Variants in AUH observed in about 807,000 individuals in gnomAD.
The protein encoded by AUH is methylglutaconyl-CoA hydratase, mitochondrial.
In AUH, 29 loss-of-function variants were observed where a neutral mutation model predicts 42.3. The ratio of observed to expected loss-of-function variants is 0.69; its 90% CI spans 0.51 to 0.93. The LOEUF (loss-of-function observed/expected upper bound fraction) is 0.93, where lower values mean the gene tolerates loss of function less well. Ranked by LOEUF, AUH falls within the 40% of genes least tolerant of loss-of-function variation. The probability of loss-of-function intolerance (pLI) is 0.00; values close to 1 mark genes in which losing one functional copy is unlikely to be tolerated. For missense variants in AUH, 452 were observed against 438.1 expected (o/e 1.03, Z -0.28); for synonymous variants, 174 against 166.4 (o/e 1.05, Z -0.35).
chr9:91,269,065 T>G (rs1381535659), intron 6 of AUH, among the ~76,000 whole-genome samples: 1 of 151,868 alleles, frequency 6.6e-6, no homozygotes, highest in African/African-American at 2.4e-5. Context: ...ACTGCAACCT[T>G]CACCTCCTGG....
intron 4 of AUH, among the ~76,000 whole-genome samples, chr9:91,321,873 C>A (rs151250405): frequency 6.7e-4 from 102 of 152,288 alleles, no homozygotes; most frequent in African/African-American, 2.4e-3. Context: ...TGCTTTCATA[C>A]TATAAAGTCA....
intron 7 of AUH, chr9:91,218,855 C>T (rs1360222087): frequency 1.0e-6 from 1 of 985,434 alleles, no homozygotes; most frequent in African/African-American, 1.7e-5. Flanking sequence ...GGTGATTCCA[C>T]TCAAACTTCA....
At chr9:91,218,996 G>A in intron 7 of AUH, 4 of 985,434 alleles carry the variant, frequency 4.1e-6, no homozygotes, top group African/African-American at 3.5e-5. Context: ...CATTCTGAAG[G>A]AGTGTCCTTC....
chr9:91,256,646 C>A (rs1039467793), intron 6 of AUH, among the ~76,000 whole-genome samples: 10 of 152,052 alleles, frequency 6.6e-5, no homozygotes, highest in African/African-American at 2.4e-4. Context: ...GAACAGGAGA[C>A]CAGCACTGCA....
intron 6 of AUH, among the ~76,000 whole-genome samples, chr9:91,265,547 A>G (rs1282916208): frequency 6.6e-6 from 1 of 151,770 alleles, no homozygotes; most frequent in Non-Finnish European, 1.5e-5. Flanking sequence ...GTTCTCCTCC[A>G]CTCGTGTCAG....
intron 6 of AUH, among the ~76,000 whole-genome samples, chr9:91,279,559 C>T (rs1346167631): frequency 1.3e-5 from 2 of 152,138 alleles, no homozygotes; most frequent in East Asian, 3.9e-4. Flanking sequence ...GGGGAGCAGA[C>T]ATCTCATATG....
chr9:91,217,190 A>G, intron 8 of AUH, 87 bp downstream of exon 8: 1 of 1,406,176 alleles, frequency 7.1e-7, no homozygotes, highest in Non-Finnish European at 9.9e-7. Flanking sequence ...AGAACTTTAA[A>G]AAAAATGTAG....
chr9:91,274,729 G>A (rs1825411929), intron 6 of AUH, among the ~76,000 whole-genome samples: 1 of 152,072 alleles, frequency 6.6e-6, no homozygotes, highest in Non-Finnish European at 1.5e-5. Context: ...TTCAGATAAG[G>A]AAGATAAACA....
At chr9:91,248,757 A>G (rs1469422619) in intron 6 of AUH, among the ~76,000 whole-genome samples, 2 of 152,200 alleles carry the variant, frequency 1.3e-5, no homozygotes, top group Admixed American at 1.3e-4. Flanking sequence ...CCCTCACAAC[A>G]ACATTATAAA....
rs535903499 is a variant in AUH at position 91,344,166 on chromosome 9, G to A, written c.418+11717C>T. On this transcript the variant is annotated intron_variant, in intron 3 of 9. Transcript: ENST00000375731. ...GAAACATTTACAATCTATTTTCTCT[G>A]AAGCTTCCCACCTGAAGGCTTCATT... Among the ~76,000 whole-genome samples, 15 of 152,276 alleles carry A rather than the reference G, an allele frequency of 9.9e-5. No individual in the cohort carries two copies. The South Asian group carries it at 2.9e-3, about 29-fold the overall frequency.
At chr9:91,360,775 G>A (rs1162193139) in intron 1 of AUH, among the ~76,000 whole-genome samples, 1 of 152,110 alleles carries the variant, frequency 6.6e-6, no homozygotes, top group African/African-American at 2.4e-5. Flanking sequence ...CGACTTACAC[G>A]CTTTTCACTT....
rs1829555635 is a variant in AUH at position 91,258,946 on chromosome 9, T to C, written c.655+37075A>G. On this transcript the variant is annotated intron_variant, in intron 6 of 9. Coordinates refer to ENST00000375731, the MANE Select transcript of AUH (RefSeq NM_001698.3). ...ATATGCTAAAATTTTGTTAGGACTT[T>C]TACACCTGTTTTCATGAGGGATGCT... is the stretch of plus-strand genomic sequence containing the variant. Among the ~76,000 whole-genome samples the C allele has an allele frequency of 2.0e-5, 3 of 152,196 alleles. No homozygotes were observed. The South Asian group carries it at 6.2e-4, about 32-fold the overall frequency.
intron 4 of AUH, among the ~76,000 whole-genome samples, chr9:91,305,812 G>C (rs1828173336): frequency 6.6e-6 from 1 of 152,158 alleles, no homozygotes; most frequent in Non-Finnish European, 1.5e-5. Flanking sequence ...GGTACAGTCT[G>C]AGCACAGGCT....
At chr9:91,335,914 G>C (rs538700745) in intron 3 of AUH, among the ~76,000 whole-genome samples, 1 of 152,110 alleles carries the variant, frequency 6.6e-6, no homozygotes, top group African/African-American at 2.4e-5. Context: ...CTAGCAGATG[G>C]CTAATTTTCA....
chr9:91,265,260 C>T (rs921522057), intron 6 of AUH, among the ~76,000 whole-genome samples: 51 of 150,878 alleles, frequency 3.4e-4, no homozygotes, highest in African/African-American at 1.1e-3. Flanking sequence ...GTTAATTCCC[C>T]ACATATTTGC....
intron 6 of AUH, among the ~76,000 whole-genome samples, chr9:91,236,424 C>T (rs80267380): frequency 0.073 from 11,073 of 152,176 alleles, 701 homozygotes; most frequent in East Asian, 0.26. Context: ...CTTACAATTC[C>T]CCTATGAGGT....
At chr9:91,358,879 T>G (rs897821962) in intron 1 of AUH, among the ~76,000 whole-genome samples, 1 of 152,246 alleles carries the variant, frequency 6.6e-6, no homozygotes, top group African/African-American at 2.4e-5. Flanking sequence ...TGTAGGCTTT[T>G]GGTATTCTAA....
At chr9:91,321,837 A>C (rs937588770) in intron 4 of AUH, among the ~76,000 whole-genome samples, 2 of 152,204 alleles carry the variant, frequency 1.3e-5, no homozygotes, top group African/African-American at 2.4e-5. Context: ...AGAGCCACAC[A>C]CATTTGTTGA....
At chr9:91,264,066 C>T (rs1225474797) in intron 6 of AUH, among the ~76,000 whole-genome samples, 1 of 152,108 alleles carries the variant, frequency 6.6e-6, no homozygotes, top group African/African-American at 2.4e-5. Context: ...AAGACTTTAT[C>T]ACAGACTAGC....
Sources: gnomAD v4.1 joint callset for allele counts (sites outside exome capture counted in the v4.1 genomes callset) on GRCh38, gnomAD v4.1.1 for gene constraint, MANE v1.5 for transcripts, NCBI Gene and HGNC (gene_info 2026-07-23, HGNC 2026-07-21) for gene names.